TEX14: variants seen among roughly 807,000 people sequenced by gnomAD.
TEX14 encodes testis expressed 14, intercellular bridge forming factor, also known as inactive serine/threonine-protein kinase TEX14.
In TEX14, 168 loss-of-function variants were observed where a neutral mutation model predicts 178.6. The ratio of observed to expected loss-of-function variants is 0.94; its 90% CI spans 0.83 to 1.07. The LOEUF (loss-of-function observed/expected upper bound fraction) is 1.07. TEX14 is among the 50% of genes least tolerant of loss of function. The probability of loss-of-function intolerance (pLI) is 0.00; values close to 1 mark genes in which losing one functional copy is unlikely to be tolerated. For missense variants in TEX14, 1,730 were observed against 1,753.6 expected (o/e 0.99, Z 0.24); for synonymous variants, 626 against 634.1 (o/e 0.99, Z 0.19).
At chr17:58,671,555 G>C (rs916187926) in intron 1 of TEX14, among the ~76,000 whole-genome samples, 2 of 152,092 alleles carry the variant, frequency 1.3e-5, no homozygotes, top group African/African-American at 4.8e-5. Flanking sequence ...CTCCCACCCA[G>C]CTCAGGCCCC....
At chr17:58,662,537 C>A (rs940897690) in intron 1 of TEX14, among the ~76,000 whole-genome samples, 1 of 151,824 alleles carries the variant, frequency 6.6e-6, no homozygotes, top group African/African-American at 2.4e-5. Flanking sequence ...CCCCTCAGTA[C>A]AGAATGTTAT....
At chr17:58,646,961 G>A (rs953020513) in intron 2 of TEX14, among the ~76,000 whole-genome samples, 3 of 150,572 alleles carry the variant, frequency 2.0e-5, no homozygotes, top group South Asian at 2.1e-4. Context: ...GCTGGAGTGC[G>A]ATGGCACCAT....
chr17:58,568,699 T>G (rs2044456166), intron 26 of TEX14, among the ~76,000 whole-genome samples: 4 of 152,154 alleles, frequency 2.6e-5, no homozygotes, highest in Admixed American at 2.6e-4. Flanking sequence ...TGCCTGAAAA[T>G]TCTGGTCTCT....
rs1352089293 is a variant in TEX14 at position 58,654,494 on chromosome 17, AC to A, written c.-1-2493del. Among the ~76,000 whole-genome samples, 138 of 148,668 alleles carry A rather than the reference AC, an allele frequency of 9.3e-4. 2 individuals carry two copies. Among genetic ancestry groups the A allele is most frequent in the African/African-American group, 3.3e-3 (137 of 40,934 alleles). On this transcript the variant is annotated intron_variant, in intron 1 of 31. Coordinates refer to ENST00000349033, the MANE Select transcript of TEX14 (RefSeq NM_031272.5). ...GTATAGAAGCTTTGGAAAAAAAAAAACAACTTGTAACTTTTTTTTTTTTTTT... is the reference window on the plus strand; with the variant it reads ...GTATAGAAGCTTTGGAAAAAAAAAAAAACTTGTAACTTTTTTTTTTTTTTT...
chr17:58,602,015 G>A, intron 12 of TEX14, 59 bp from the exon 13 acceptor site: 2 of 1,571,436 alleles, frequency 1.3e-6, no homozygotes, highest in Admixed American at 1.7e-5. Context: ...TGTCACTGGT[G>A]CTTTAGAAAC....
rs1412894984 is a variant in TEX14 at position 58,616,265 on chromosome 17, G to C, written c.677C>G (p.Ser226Cys). 2.5e-6 allele frequency: 4 copies of C among 1,613,912 alleles called. No individual in the cohort carries two copies. The highest frequency in any genetic ancestry group is 1.7e-6 in the Non-Finnish European group (2 of 1,179,938). Residue 226 changes from serine (S) to cysteine (C), a missense_variant, in exon 7 of 32, where the codon TCT (serine) becomes TGT (cysteine). Physicochemically the swap from Ser to Cys is moderately radical, Grantham distance 112. This residue lies in a region of TEX14 where 789 missense variants were observed against 681.2 expected (regional missense o/e 1.16). Transcript: ENST00000349033. ...TTCCTTTTCTCCAATGACCGGAAGA[G>C]ATCCTAGATAGGCCATCTGTGTCGC... The part of the protein sequence containing the change: ...TGATQMAYLG[S>C]LPVIGEKEVI...
intron 30 of TEX14, among the ~76,000 whole-genome samples, chr17:58,558,177 ATG>A (rs2044189869): frequency 6.6e-6 from 1 of 152,224 alleles, no homozygotes; most frequent in Non-Finnish European, 1.5e-5. Flanking sequence ...AGGAAACAGA[ATG>A]TACCCACGGC....
chr17:58,591,220 CT>C (rs1355532261), intron 15 of TEX14, among the ~76,000 whole-genome samples: 1 of 152,152 alleles, frequency 6.6e-6, no homozygotes, highest in East Asian at 1.9e-4. Context: ...ATAAAATCCA[CT>C]GATCTAAAAT....
At chr17:58,618,852 G>A (rs1319902738) in intron 5 of TEX14, among the ~76,000 whole-genome samples, 1 of 152,194 alleles carries the variant, frequency 6.6e-6, no homozygotes, top group African/African-American at 2.4e-5. Flanking sequence ...GAGATAAACT[G>A]AGCATCCCAA....
intron 2 of TEX14, among the ~76,000 whole-genome samples, chr17:58,645,202 G>C (rs1415022904): frequency 1.3e-5 from 2 of 151,102 alleles, no homozygotes; most frequent in East Asian, 3.9e-4. Flanking sequence ...TGACCAAGAT[G>C]TTCTCCAACT....
intron 1 of TEX14, chr17:58,659,212 G>A (rs186887679): frequency 9.5e-4 from 305 of 320,542 alleles, no homozygotes; most frequent in Non-Finnish European, 1.2e-3. Context: ...TTCTCATTCG[G>A]GGAAATCGCG....
At chr17:58,563,819 C>G (rs963361777) in intron 28 of TEX14, among the ~76,000 whole-genome samples, 2 of 149,684 alleles carry the variant, frequency 1.3e-5, no homozygotes, top group Admixed American at 1.3e-4. Flanking sequence ...CAGACACACA[C>G]ACACACACAC....
chr17:58,680,714 C>T (rs901541791), intron 1 of TEX14, among the ~76,000 whole-genome samples: 2 of 151,834 alleles, frequency 1.3e-5, no homozygotes, highest in Non-Finnish European at 2.9e-5. Flanking sequence ...CTAGCCTGGG[C>T]GACAGAGCAA....
At chr17:58,689,024 G>A (rs1239630941) in intron 1 of TEX14, among the ~76,000 whole-genome samples, 4 of 151,830 alleles carry the variant, frequency 2.6e-5, no homozygotes, top group Admixed American at 6.6e-5. Flanking sequence ...TCTGCCTCCC[G>A]GGTTCACACC....
intron 10 of TEX14, among the ~76,000 whole-genome samples, chr17:58,608,342 A>G (rs2045661681): frequency 6.6e-6 from 1 of 151,556 alleles, no homozygotes; most frequent in African/African-American, 2.4e-5. Flanking sequence ...GCGAGAACCC[A>G]GGAGGCGGAG....
chr17:58,685,444 A>T (rs1426275893), intron 1 of TEX14, among the ~76,000 whole-genome samples: 1 of 151,844 alleles, frequency 6.6e-6, no homozygotes, highest in Non-Finnish European at 1.5e-5. Flanking sequence ...TCAAAAAAAA[A>T]AAAAAAGAAT....
intron 2 of TEX14, among the ~76,000 whole-genome samples, chr17:58,650,593 G>A (rs1019342221): frequency 1.3e-5 from 2 of 151,966 alleles, no homozygotes; most frequent in African/African-American, 2.4e-5. Context: ...ATAGGCATGC[G>A]CTACCATGCG....
At chr17:58,560,303 T>C (rs1204669141) in intron 29 of TEX14, among the ~76,000 whole-genome samples, 1 of 151,988 alleles carries the variant, frequency 6.6e-6, no homozygotes, top group Non-Finnish European at 1.5e-5. Flanking sequence ...CCAGCTAGAG[T>C]GAAGAGAGAT....
At chr17:58,630,337 T>G in intron 3 of TEX14, 103 bp downstream of exon 3, 15 of 835,454 alleles carry the variant, frequency 1.8e-5, no homozygotes, top group Non-Finnish European at 2.5e-5. Flanking sequence ...ATTATAGGTA[T>G]GAGACACCGC....
Sources: gnomAD v4.1 joint callset for allele counts (sites outside exome capture counted in the v4.1 genomes callset) on GRCh38, gnomAD v4.1.1 for gene constraint, gnomAD v4.1.1 regional missense constraint, MANE v1.5 for transcripts, NCBI Gene and HGNC (gene_info 2026-07-23, HGNC 2026-07-21) for gene names.